The following RANBP2 variants were observed in gnomAD, a reference collection of about 807,000 sequenced individuals.
RANBP2 encodes RAN binding protein 2.
RANBP2 carries 57 observed loss-of-function variants against 303.6 expected under a neutral mutation model. That is an observed-to-expected ratio of 0.19 (90% CI 0.15 to 0.23). RANBP2 has a LOEUF of 0.23. Among genes scored for constraint, RANBP2 ranks in the 10% least tolerant of loss-of-function variants. The probability of loss-of-function intolerance (pLI) is 1.00; values close to 1 mark genes in which losing one functional copy is unlikely to be tolerated. For missense variants in RANBP2, 3,138 were observed against 3,780.8 expected, an observed-to-expected ratio of 0.83 and a Z score of 4.46; for synonymous variants, 1,167 against 1,301.5, an observed-to-expected ratio of 0.90 and a Z score of 2.23.
the RANBP2 span, among the ~76,000 whole-genome samples, chr2:109,434,410 C>A: frequency 6.6e-6 from 1 of 152,226 alleles, no homozygotes; most frequent in Non-Finnish European, 1.5e-5. Flanking sequence ...CTTCCGCAGA[C>A]CTTCAGAGAT....
At chr2:109,089,543 C>G in the RANBP2 span, among the ~76,000 whole-genome samples, 7 of 152,100 alleles carry the variant, frequency 4.6e-5, no homozygotes, top group African/African-American at 1.7e-4. Flanking sequence ...GAGTTCAAAG[C>G]TTCAGTGAGC....
At chr2:108,851,457 A>G in the RANBP2 span, among the ~76,000 whole-genome samples, 2 of 152,080 alleles carry the variant, frequency 1.3e-5, no homozygotes, top group Non-Finnish European at 2.9e-5. Context: ...GCCTGCCACC[A>G]TGCCCAGCTA....
chr2:108,755,476 G>A (rs879079371), intron 17 of RANBP2, among the ~76,000 whole-genome samples: 6 of 151,360 alleles, frequency 4.0e-5, no homozygotes, highest in Middle Eastern at 3.4e-3. Flanking sequence ...CTGTGGCTTC[G>A]ACCTCCTAGC....
the RANBP2 span, among the ~76,000 whole-genome samples, chr2:109,270,679 T>G: frequency 1.3e-5 from 2 of 152,194 alleles, no homozygotes; most frequent in Non-Finnish European, 1.5e-5. Flanking sequence ...GCCCCGTATC[T>G]GGGCCACGCA....
At chr2:109,399,448 G>GTTTTTT in the RANBP2 span, among the ~76,000 whole-genome samples, 1 of 147,740 alleles carries the variant, frequency 6.8e-6, no homozygotes, top group Non-Finnish European at 1.5e-5. Flanking sequence ...ATTTCCACTA[G>GTTTTTT]TTTTTTTTTT....
the RANBP2 span, chr2:109,614,497 G>T: frequency 8.0e-7 from 1 of 1,246,980 alleles, no homozygotes; most frequent in South Asian, 3.3e-5. Context: ...AGGATGGAGG[G>T]GCCGGCAGAG....
At chr2:109,297,873 A>G in the RANBP2 span, among the ~76,000 whole-genome samples, 19 of 151,124 alleles carry the variant, frequency 1.3e-4, no homozygotes, top group Admixed American at 3.3e-4. Context: ...CCAGGCCAAT[A>G]CCCTCCACAT....
chr2:109,613,135 T>C, the RANBP2 span: 8 of 1,280,546 alleles, frequency 6.2e-6, no homozygotes, highest in Non-Finnish European at 8.2e-6. Context: ...GAAAACTCGA[T>C]GTACACGACC....
chr2:109,686,583 G>T, the RANBP2 span, among the ~76,000 whole-genome samples: 1 of 152,164 alleles, frequency 6.6e-6, no homozygotes, highest in Non-Finnish European at 1.5e-5. Context: ...AACGTGCTGG[G>T]ATTACAGGCG....
At chr2:108,829,461 A>T in the RANBP2 span, among the ~76,000 whole-genome samples, 217 of 151,440 alleles carry the variant, frequency 1.4e-3, 1 homozygote, top group Non-Finnish European at 1.9e-3. Flanking sequence ...ATGTTTATTT[A>T]AAAAATAAAC....
chr2:108,811,247 C>CTCTTTTTTTTTTTTTTTTTTTTT, the RANBP2 span, among the ~76,000 whole-genome samples: 124 of 113,830 alleles, frequency 1.1e-3, 4 homozygotes, highest in African/African-American at 4.7e-3. Context: ...TTCTCTCTCT[C>CTCTTTTTTTTTTTTTTTTTTTTT]TTTTTTTTTT....
the RANBP2 span, among the ~76,000 whole-genome samples, chr2:109,712,238 G>A: frequency 2.6e-5 from 4 of 152,084 alleles, no homozygotes; most frequent in Admixed American, 6.5e-5. Flanking sequence ...GGAATGGAGA[G>A]AACCAGGGTC....
the RANBP2 span, among the ~76,000 whole-genome samples, chr2:108,820,155 C>T: frequency 1.3e-5 from 2 of 152,162 alleles, no homozygotes; most frequent in African/African-American, 4.8e-5. Context: ...CACCTGTAAT[C>T]TCAGTGCTTT....
chr2:108,974,171 A>C, the RANBP2 span, among the ~76,000 whole-genome samples: 1 of 150,228 alleles, frequency 6.7e-6, no homozygotes, highest in Non-Finnish European at 1.5e-5. Context: ...CTACTAAAAA[A>C]TACAAAAAAT....
chr2:109,613,285 G>C, the RANBP2 span: 1 of 794,090 alleles, frequency 1.3e-6, no homozygotes, highest in Non-Finnish European at 1.7e-6. Context: ...AAAGAGTCAA[G>C]GCGGGAAAAA....
chr2:109,528,608 CTG>C, the RANBP2 span, among the ~76,000 whole-genome samples: 2 of 152,150 alleles, frequency 1.3e-5, no homozygotes, highest in Non-Finnish European at 2.9e-5. Context: ...GCCCAGGAGA[CTG>C]TGGTGCTGCA....
At chr2:109,365,121 A>G in the RANBP2 span, among the ~76,000 whole-genome samples, 1 of 152,334 alleles carries the variant, frequency 6.6e-6, no homozygotes, top group Admixed American at 6.5e-5. Context: ...TTTATCCTGT[A>G]TGTGGATCTT....
At chr2:109,736,640 G>C in the RANBP2 span, among the ~76,000 whole-genome samples, 1 of 151,898 alleles carries the variant, frequency 6.6e-6, no homozygotes, top group African/African-American at 2.4e-5. Context: ...ATTGTGCCTC[G>C]AGAGAAATTT....
the RANBP2 span, among the ~76,000 whole-genome samples, chr2:109,291,667 T>C: frequency 6.6e-6 from 1 of 152,116 alleles, no homozygotes; most frequent in African/African-American, 2.4e-5. Context: ...TCCAGTGGGG[T>C]GTGAGATCCT....
Sources: allele counts gnomAD v4.1 joint callset (sites outside exome capture counted in the v4.1 genomes callset), GRCh38; gene constraint gnomAD v4.1.1; transcripts MANE v1.5; gene names NCBI Gene and HGNC (gene_info 2026-07-23, HGNC 2026-07-21).